TRAPPC9: variants seen among roughly 807,000 people sequenced by gnomAD.
TRAPPC9 encodes the protein IKK2 binding protein.
TRAPPC9 carries 83 observed loss-of-function variants against 124.0 expected under a neutral mutation model. The observed-to-expected ratio is 0.67, with a 90% CI of 0.56 to 0.80. The LOEUF (loss-of-function observed/expected upper bound fraction) is 0.80, where lower values mean the gene tolerates loss of function less well. Ranked by LOEUF, TRAPPC9 falls within the 30% of genes least tolerant of loss-of-function variation. The pLI, the probability that TRAPPC9 is intolerant of heterozygous loss-of-function variation, is 0.00. For missense variants in TRAPPC9, 1,302 were observed against 1,508.3 expected (o/e 0.86, Z 2.27); for synonymous variants, 638 against 617.5 (o/e 1.03, Z -0.49).
chr8:139,743,388 A>T (rs1379158024), intron 21 of TRAPPC9, among the ~76,000 whole-genome samples: 2 of 152,248 alleles, frequency 1.3e-5, no homozygotes, highest in Non-Finnish European at 2.9e-5. Context: ...TTTGGGATTT[A>T]AAAATGTAAA....
In TRAPPC9 at chr8:139,825,882, C is replaced by T. The variant is rs944670398; in HGVS notation, c.3055+59997G>A. Reference sequence around the variant, plus strand: ...CATGGGTTCCTGAATCAGAATATTTCCTGTGCAAAGCGCCATGCCAGGCTC... The same window carrying T: ...CATGGGTTCCTGAATCAGAATATTTTCTGTGCAAAGCGCCATGCCAGGCTC... On this transcript the variant is annotated intron_variant, in intron 21 of 22. Coordinates refer to ENST00000438773, the MANE Select transcript of TRAPPC9 (RefSeq NM_001160372.4). This position sits in a 1 kb window ranked among gnomAD's most constrained non-coding sequence, Gnocchi z 4.6. 2.0e-5 allele frequency among the ~76,000 whole-genome samples: 3 copies of T among 152,080 alleles called. No individual in the cohort carries two copies. Among genetic ancestry groups the T allele is most frequent in the African/African-American group, 7.2e-5 (3 of 41,410 alleles).
At chr8:140,055,941 G>A (rs1842263212) in intron 17 of TRAPPC9, among the ~76,000 whole-genome samples, 1 of 151,870 alleles carries the variant, frequency 6.6e-6, no homozygotes, top group South Asian at 2.1e-4. Context: ...GCAATCCACA[G>A]ATGTAATCTC....
chr8:139,813,665 C>T (rs977597845), intron 21 of TRAPPC9, among the ~76,000 whole-genome samples: 2 of 152,186 alleles, frequency 1.3e-5, no homozygotes, highest in African/African-American at 4.8e-5. Context: ...TGAGGGGCCT[C>T]GGAAAGCTGG....
At position 140,435,212 on chromosome 8, in the gene TRAPPC9, A is replaced by G; in HGVS notation, c.759T>C (p.Ser253=). 6.2e-7 allele frequency: 1 copy of G among 1,614,240 alleles called. No individual in the cohort carries two copies. The highest frequency in any genetic ancestry group is 8.5e-7 in the Non-Finnish European group (1 of 1,180,042). ...TTCCACCAGGATAGTGATAGATGAC[A>G]GAAGCTGAACACAATCCTTCCAGGG... The part of the protein sequence containing the change: ...GAALEGLCSA[S]VIYHYPGGTG... The change falls in exon 4 of 23, where the codon TCT becomes TCC. Residue 253 remains serine, a synonymous_variant. Coordinates refer to ENST00000438773, the MANE Select transcript of TRAPPC9 (RefSeq NM_001160372.4).
intron 17 of TRAPPC9, among the ~76,000 whole-genome samples, chr8:140,082,483 C>T (rs538092097): frequency 8.5e-5 from 13 of 152,152 alleles, no homozygotes; most frequent in Non-Finnish European, 1.8e-4. Flanking sequence ...GGCGAAAGTG[C>T]CACCATGTCT....
At chr8:139,970,283 G>T (rs1835978255) in intron 19 of TRAPPC9, among the ~76,000 whole-genome samples, 1 of 152,246 alleles carries the variant, frequency 6.6e-6, no homozygotes, top group African/African-American at 2.4e-5. Context: ...ACAGCCCTCT[G>T]CTGGGAACTG....
At chr8:139,851,637 G>A (rs530733991) in intron 21 of TRAPPC9, among the ~76,000 whole-genome samples, 30 of 152,322 alleles carry the variant, frequency 2.0e-4, no homozygotes, top group African/African-American at 7.0e-4. Context: ...CCTGGAGAGT[G>A]CCGGAAAACC....
intron 12 of TRAPPC9, among the ~76,000 whole-genome samples, 155 bp from the exon 13 acceptor site, chr8:140,287,889 G>C (rs773390382): frequency 6.6e-5 from 10 of 152,150 alleles, no homozygotes; most frequent in Non-Finnish European, 1.2e-4. Flanking sequence ...AGTGTACAGT[G>C]TAACACAAAA....
intron 21 of TRAPPC9, among the ~76,000 whole-genome samples, chr8:139,797,887 CTTGA>C (rs1262244685): frequency 6.6e-6 from 1 of 152,174 alleles, no homozygotes; most frequent in Non-Finnish European, 1.5e-5. Context: ...ACCACATTGT[CTTGA>C]TTATTGCAGC....
rs80029747 is a variant in TRAPPC9 at position 140,078,337 on chromosome 8, G to A, written c.2557-54258C>T. On this transcript the variant is annotated intron_variant, in intron 17 of 22. Coordinates refer to ENST00000438773, the MANE Select transcript of TRAPPC9 (RefSeq NM_001160372.4). ...GTTATGCTGAGAGAAGGTAAGTCACGCAGGAGTGGCTGGACTCAAGTTCAA... is the reference window on the plus strand; with the variant it reads ...GTTATGCTGAGAGAAGGTAAGTCACACAGGAGTGGCTGGACTCAAGTTCAA... Among the ~76,000 whole-genome samples, 301 of 152,306 alleles carry A rather than the reference G, an allele frequency of 2.0e-3. 8 individuals carry two copies. The East Asian group carries it at 0.052, about 26-fold the overall frequency.
At chr8:140,062,740 G>A (rs563732228) in intron 17 of TRAPPC9, among the ~76,000 whole-genome samples, 31 of 152,134 alleles carry the variant, frequency 2.0e-4, no homozygotes, top group African/African-American at 6.8e-4. Context: ...CGTCATTACC[G>A]GCACGCACAG....
At position 140,360,140 on chromosome 8, in the gene TRAPPC9, A is replaced by G; in HGVS notation, c.1405T>C (p.Tyr469His). The change falls in exon 9 of 23, where the codon TAC becomes CAC. Residue 469 changes from tyrosine to histidine, a missense_variant. Around this residue, in one of 3 missense-constraint regions of TRAPPC9, gnomAD observed 657 missense variants for 811.2 expected, o/e 0.81. Coordinates refer to ENST00000438773, the MANE Select transcript of TRAPPC9 (RefSeq NM_001160372.4). The part of the protein sequence containing the change: ...VQMRLLHELV[Y>H]ASRRMGNPAL... Reference sequence around the variant, plus strand: ...GGGTTCCCCATCCTTCGGGAGGCGTAGACCAATTCATGGAGCAAACGCATC... The same window carrying G: ...GGGTTCCCCATCCTTCGGGAGGCGTGGACCAATTCATGGAGCAAACGCATC... 2 of 1,614,224 alleles carry G rather than the reference A, an allele frequency of 1.2e-6. No homozygotes were observed. The highest frequency in any genetic ancestry group is 1.7e-6 in the Non-Finnish European group (2 of 1,180,042).
intron 21 of TRAPPC9, among the ~76,000 whole-genome samples, chr8:139,859,910 C>T (rs1828022969): frequency 6.6e-6 from 1 of 152,206 alleles, no homozygotes; most frequent in African/African-American, 2.4e-5. Flanking sequence ...GCCACAGACC[C>T]CTTGGGAATA....
intron 15 of TRAPPC9, among the ~76,000 whole-genome samples, chr8:140,256,425 T>A (rs2064261718): frequency 6.6e-6 from 1 of 152,194 alleles, no homozygotes; most frequent in South Asian, 2.1e-4. Flanking sequence ...TCTGACGACA[T>A]CTTGGCTCAT....
chr8:139,917,603 G>A (rs1480941684), intron 19 of TRAPPC9, among the ~76,000 whole-genome samples: 1 of 152,160 alleles, frequency 6.6e-6, no homozygotes, highest in Non-Finnish European at 1.5e-5. Context: ...CCGTCCCCCG[G>A]GCCTGCTGTG....
chr8:139,784,565 C>T (rs756245465), intron 21 of TRAPPC9, among the ~76,000 whole-genome samples: 56 of 139,082 alleles, frequency 4.0e-4, no homozygotes, highest in Admixed American at 9.8e-4. Flanking sequence ...CGGAGAGAGA[C>T]TCCATGTCAA....
rs193163487 is a variant in TRAPPC9, at chr8:140,031,148, G to T, written c.2557-7069C>A. 5.9e-5 allele frequency among the ~76,000 whole-genome samples: 9 copies of T among 152,262 alleles called. No individual in the cohort carries two copies. The East Asian group carries it at 1.7e-3, about 29-fold the overall frequency. ...AGCCATGTCTAAGAGCGAATGTGAG[G>T]CCCTCGAAGAGGCTTCAGATGGAGA... On this transcript the variant is annotated intron_variant, in intron 17 of 22. Coordinates refer to ENST00000438773, the MANE Select transcript of TRAPPC9 (RefSeq NM_001160372.4).
chr8:140,132,455 A>T (rs1175210465), intron 17 of TRAPPC9, among the ~76,000 whole-genome samples: 1 of 152,192 alleles, frequency 6.6e-6, no homozygotes, highest in Non-Finnish European at 1.5e-5. Flanking sequence ...GTAGATTGCC[A>T]TCATCTTCCC....
chr8:140,449,276 C>T (rs1334643558), intron 2 of TRAPPC9, among the ~76,000 whole-genome samples: 1 of 152,232 alleles, frequency 6.6e-6, no homozygotes, highest in Admixed American at 6.5e-5. Flanking sequence ...ACTGAATCCT[C>T]ACCTGTGGCT....
Sources: gnomAD v4.1 joint callset for allele counts (sites outside exome capture counted in the v4.1 genomes callset) on GRCh38, gnomAD v4.1.1 for gene constraint, gnomAD v4.1.1 regional missense constraint, Gnocchi (gnomAD v3.1) non-coding constraint, MANE v1.5 for transcripts, NCBI Gene and HGNC (gene_info 2026-07-23, HGNC 2026-07-21) for gene names.